The following LRRC69 variants were observed in gnomAD, a reference collection of about 807,000 sequenced individuals.
The protein encoded by LRRC69 is leucine rich repeat containing 69, also known as leucine-rich repeat-containing protein 69.
Under a neutral mutation model 37.8 loss-of-function variants are expected in LRRC69, and 42 were observed. The observed-to-expected ratio is 1.11, with a 90% CI of 0.87 to 1.44. The LOEUF is 1.44. Ranked by LOEUF, LRRC69 falls within the 40% of genes most tolerant of loss-of-function variation. The probability of loss-of-function intolerance (pLI) is 0.00; values close to 1 mark genes in which losing one functional copy is unlikely to be tolerated. For synonymous variants in LRRC69, 141 were observed against 143.1 expected (o/e 0.99, Z 0.11); for missense variants, 357 against 401.9 (o/e 0.89, Z 0.96).
At chr8:91,206,604 A>T in intron 7 of LRRC69, 1 of 1,128,430 alleles carries the variant, frequency 8.9e-7, no homozygotes, top group Non-Finnish European at 1.2e-6. Context: ...AACACCTTAG[A>T]CAAGTTGCCA....
At chr8:91,160,221 G>A (rs1808914181) in intron 5 of LRRC69, among the ~76,000 whole-genome samples, 2 of 149,794 alleles carry the variant, frequency 1.3e-5, no homozygotes, top group African/African-American at 4.9e-5. Flanking sequence ...ATTTTTGTTT[G>A]GTTGATTTTG....
Position 91,149,179 on chromosome 8 carries a change from A to G in LRRC69, c.651+13440A>G, listed in dbSNP as rs188918348. ...TGCCCATGCCCATGTCCTGAATGGT[A>G]TTGCCTAGGTTTTCTTCTAGGGTTT... On this transcript the variant is annotated intron_variant, in intron 5 of 7. Transcript: ENST00000448384. 2.1e-3 allele frequency among the ~76,000 whole-genome samples: 323 copies of G among 152,008 alleles called. 1 individual carries two copies. The highest frequency in any genetic ancestry group is 7.1e-3 in the African/African-American group (293 of 41,542).
At chr8:91,214,307 G>A (rs1809997340) in intron 7 of LRRC69, among the ~76,000 whole-genome samples, 1 of 152,168 alleles carries the variant, frequency 6.6e-6, no homozygotes, top group Admixed American at 6.6e-5. Context: ...GACATGTTGA[G>A]TTTCAAGTGA....
intron 1 of LRRC69, among the ~76,000 whole-genome samples, chr8:91,108,160 C>A (rs983931751): frequency 6.6e-6 from 1 of 151,954 alleles, no homozygotes; most frequent in Non-Finnish European, 1.5e-5. Flanking sequence ...TTTTATTTGG[C>A]CATAAACAAT....
rs576073793 is a variant in LRRC69 at position 91,126,040 on chromosome 8, T to C, written c.311-1048T>C. 4.1e-4 allele frequency among the ~76,000 whole-genome samples: 63 copies of C among 152,116 alleles called. 1 individual carries two copies. In the South Asian group the frequency reaches 0.013, roughly 31 times the overall value. On this transcript the variant is annotated intron_variant, in intron 2 of 7. Transcript: ENST00000448384. The stretch of plus-strand genomic sequence containing the variant: ...TGGGAACATTCTTGACTTGGGGTTA[T>C]TGAACTTTGAAAATCCCATGTGATT...
At chr8:91,122,802 C>T (rs1369993290) in intron 1 of LRRC69, among the ~76,000 whole-genome samples, 4 of 152,032 alleles carry the variant, frequency 2.6e-5, no homozygotes, top group Non-Finnish European at 5.9e-5. Context: ...CAAATAGTCA[C>T]TTTGATAGGC....
At chr8:91,139,249 A>G (rs965654029) in intron 5 of LRRC69, 1 of 151,806 alleles carries the variant, frequency 6.6e-6, no homozygotes, top group Admixed American at 6.6e-5. Flanking sequence ...TGGAATAAAA[A>G]TAAAAGTTTC....
intron 5 of LRRC69, among the ~76,000 whole-genome samples, chr8:91,166,505 A>C (rs1809032144): frequency 6.6e-6 from 1 of 151,100 alleles, no homozygotes; most frequent in African/African-American, 2.4e-5. Context: ...AAAAAAAAAA[A>C]AAAAAAAAAA....
intron 6 of LRRC69, among the ~76,000 whole-genome samples, chr8:91,199,552 A>G (rs1809678615): frequency 6.6e-6 from 1 of 152,148 alleles, no homozygotes; most frequent in Non-Finnish European, 1.5e-5. Context: ...CATGGGGAGA[A>G]TGCATGAAAG....
intron 5 of LRRC69, among the ~76,000 whole-genome samples, chr8:91,159,459 T>C (rs1417558884): frequency 6.6e-6 from 1 of 151,200 alleles, no homozygotes; most frequent in Non-Finnish European, 1.5e-5. Flanking sequence ...GAACTAAACT[T>C]GAACTAAAAA....
rs1246794715 is a variant in LRRC69 at position 91,140,727 on chromosome 8, C to T, written c.651+4988C>T. On this transcript the variant is annotated intron_variant, in intron 5 of 7. Coordinates refer to ENST00000448384, the Ensembl canonical transcript of LRRC69. The stretch of plus-strand genomic sequence containing the variant: ...GGAGTGCAGTGGCGCGATCTCGGCT[C>T]ACTGCAAGCTCCGCCTCCCGGGTTC... Among the ~76,000 whole-genome samples, 8 of 16,168 alleles carry T rather than the reference C, an allele frequency of 4.9e-4. 4 individuals carry two copies. The highest frequency in any genetic ancestry group is 1.1e-3 in the Non-Finnish European group (8 of 7,146). 10.6% of individuals were successfully genotyped at this position (16,168 alleles called of 152,430 possible).
intron 7 of LRRC69, among the ~76,000 whole-genome samples, chr8:91,217,050 C>T (rs1382981689): frequency 6.6e-6 from 1 of 152,070 alleles, no homozygotes; most frequent in Non-Finnish European, 1.5e-5. Flanking sequence ...TATGGTGTCT[C>T]CTGTCTCTGC....
chr8:91,143,532 T>A (rs1185277079), intron 5 of LRRC69, among the ~76,000 whole-genome samples: 1 of 152,018 alleles, frequency 6.6e-6, no homozygotes, highest in Non-Finnish European at 1.5e-5. Flanking sequence ...GAGTTAAGAA[T>A]CTTAAGTATT....
At chr8:91,154,019 A>G (rs1808789070) in intron 5 of LRRC69, among the ~76,000 whole-genome samples, 1 of 151,906 alleles carries the variant, frequency 6.6e-6, no homozygotes, top group African/African-American at 2.4e-5. Flanking sequence ...CTCAATGAAA[A>G]CTACAAAGGG....
chr8:91,201,393 T>C (rs55918009), intron 7 of LRRC69, among the ~76,000 whole-genome samples: 3,127 of 152,318 alleles, frequency 0.021, 96 homozygotes, highest in African/African-American at 0.071. Flanking sequence ...GACTCTCCTT[T>C]GTAGCATGAA....
chr8:91,146,490 G>C (rs1053094261), intron 5 of LRRC69, among the ~76,000 whole-genome samples: 6 of 151,272 alleles, frequency 4.0e-5, no homozygotes, highest in African/African-American at 1.5e-4. Context: ...ATCAAATGTG[G>C]CTCTTGTACA....
At chr8:91,111,085 T>C (rs1003055781) in intron 1 of LRRC69, among the ~76,000 whole-genome samples, 6 of 152,124 alleles carry the variant, frequency 3.9e-5, no homozygotes, top group Non-Finnish European at 5.9e-5. Flanking sequence ...TGCTAGATGA[T>C]TCACACACAG....
At chr8:91,164,300 C>G (rs1808993524) in intron 5 of LRRC69, among the ~76,000 whole-genome samples, 1 of 151,552 alleles carries the variant, frequency 6.6e-6, no homozygotes, top group South Asian at 2.1e-4. Context: ...ACTTCTCTGT[C>G]AAGAAGACAA....
chr8:91,104,422 T>G (rs571490338), intron 1 of LRRC69, among the ~76,000 whole-genome samples: 1 of 152,022 alleles, frequency 6.6e-6, no homozygotes, highest in Non-Finnish European at 1.5e-5. Flanking sequence ...TACTAATAAA[T>G]AAATATTCAC....
Sources: gnomAD v4.1 joint callset for allele counts (sites outside exome capture counted in the v4.1 genomes callset) on GRCh38, gnomAD v4.1.1 for gene constraint, MANE v1.5 for transcripts, NCBI Gene and HGNC (gene_info 2026-07-23, HGNC 2026-07-21) for gene names.